The following PHACTR3 variants were observed in gnomAD, a reference collection of about 807,000 sequenced individuals.
The protein encoded by PHACTR3 is protein phosphatase 1, regulatory subunit 123.
A neutral mutation model predicts 66.8 loss-of-function variants in PHACTR3; 16 were observed. The observed-to-expected ratio is 0.24, with a 90% CI of 0.16 to 0.36. PHACTR3 has a LOEUF of 0.36. PHACTR3 is among the 10% of genes least tolerant of loss of function. The probability of loss-of-function intolerance (pLI) is 1.00; values close to 1 mark genes in which losing one functional copy is unlikely to be tolerated. For missense variants in PHACTR3, 647 were observed against 719.9 expected, an observed-to-expected ratio of 0.90 and a Z score of 1.16; for synonymous variants, 323 against 292.1, an observed-to-expected ratio of 1.11 and a Z score of -1.08.
chr20:59,591,336 C>T (rs151207322), intron 1 of PHACTR3, among the ~76,000 whole-genome samples: 124 of 152,302 alleles, frequency 8.1e-4, no homozygotes, highest in South Asian at 5.4e-3. Context: ...CAGTGGCTCC[C>T]GTCAGCATCC....
At chr20:59,773,810 T>G (rs979686771) in intron 6 of PHACTR3, among the ~76,000 whole-genome samples, 2 of 152,212 alleles carry the variant, frequency 1.3e-5, no homozygotes, top group African/African-American at 4.8e-5. Flanking sequence ...GGCTTCATAG[T>G]TGTCACTGGG....
intron 5 of PHACTR3, among the ~76,000 whole-genome samples, chr20:59,768,154 A>G (rs1470360426): frequency 6.6e-6 from 1 of 152,248 alleles, no homozygotes; most frequent in African/African-American, 2.4e-5. Context: ...AATCCTAGCA[A>G]GTAGAGATAA....
intron 8 of PHACTR3, among the ~76,000 whole-genome samples, chr20:59,808,033 T>C (rs1204067593): frequency 6.6e-6 from 1 of 151,870 alleles, no homozygotes; most frequent in Non-Finnish European, 1.5e-5. Flanking sequence ...CAGGACAGAG[T>C]GGAGCTGCTG....
At chr20:59,606,913 T>C (rs1207474931) in intron 1 of PHACTR3, among the ~76,000 whole-genome samples, 2 of 152,158 alleles carry the variant, frequency 1.3e-5, no homozygotes, top group Non-Finnish European at 2.9e-5. Flanking sequence ...CTAAAATATG[T>C]GCAATTCTGT....
Position 59,806,134 on chromosome 20 carries a change from C to T in PHACTR3, c.1268C>T (p.Pro423Leu). ...KQELEDRNIF[P>L]RRTDEERQEI... Reference sequence around the variant, plus strand: ...GAACTAGAAGACCGGAACATTTTCCCCAGAAGGACTGATGAAGAAAGACAG... The same window carrying T: ...GAACTAGAAGACCGGAACATTTTCCTCAGAAGGACTGATGAAGAAAGACAG... The change falls in exon 8 of 13, where the codon CCC (proline) becomes CTC (leucine). Residue 423 changes from proline to leucine, a missense_variant. Coordinates refer to ENST00000371015, the MANE Select transcript of PHACTR3 (RefSeq NM_080672.5). The T allele has an allele frequency of 6.2e-7, 1 of 1,614,118 alleles. No individual in the cohort carries two copies. Among genetic ancestry groups the T allele is most frequent in the East Asian group, 2.2e-5 (1 of 44,900 alleles).
At chr20:59,776,910 A>G (rs2040559094) in intron 7 of PHACTR3, among the ~76,000 whole-genome samples, 2 of 152,190 alleles carry the variant, frequency 1.3e-5, no homozygotes, top group Non-Finnish European at 2.9e-5. Flanking sequence ...CTGCTCAGCC[A>G]GGTGGCCTGG....
intron 1 of PHACTR3, among the ~76,000 whole-genome samples, chr20:59,620,544 G>T (rs1401406669): frequency 1.3e-5 from 2 of 152,212 alleles, no homozygotes; most frequent in Non-Finnish European, 2.9e-5. Context: ...TAAATGAGGG[G>T]TTGTCTGATG....
intron 8 of PHACTR3, among the ~76,000 whole-genome samples, chr20:59,827,912 C>T (rs6123952): frequency 0.01 from 1,570 of 152,202 alleles, 16 homozygotes; most frequent in East Asian, 0.029. Context: ...GCAGGCCAGC[C>T]GTTCTGTTGC....
At chr20:59,823,999 G>A (rs575541948) in intron 8 of PHACTR3, among the ~76,000 whole-genome samples, 73 of 152,344 alleles carry the variant, frequency 4.8e-4, no homozygotes, top group African/African-American at 1.7e-3. Flanking sequence ...GGGAGGCCAC[G>A]AAGTCAGCAC....
intron 1 of PHACTR3, among the ~76,000 whole-genome samples, chr20:59,615,756 A>C (rs1180312518): frequency 6.6e-6 from 1 of 152,190 alleles, no homozygotes; most frequent in Non-Finnish European, 1.5e-5. Context: ...CTTAGGGCCT[A>C]GGCTGGAAAC....
intron 8 of PHACTR3, among the ~76,000 whole-genome samples, chr20:59,833,910 C>T (rs921008130): frequency 6.6e-6 from 1 of 152,064 alleles, no homozygotes; most frequent in Non-Finnish European, 1.5e-5. Flanking sequence ...GCCAGAGGGG[C>T]TTATGTGCAG....
intron 8 of PHACTR3, among the ~76,000 whole-genome samples, chr20:59,822,761 T>A (rs1046147222): frequency 1.3e-5 from 2 of 152,220 alleles, no homozygotes; most frequent in African/African-American, 4.8e-5. Flanking sequence ...GGCAAGACCC[T>A]GCCTCCAGCT....
At chr20:59,644,415 A>G (rs1454745176) in intron 1 of PHACTR3, among the ~76,000 whole-genome samples, 2 of 152,246 alleles carry the variant, frequency 1.3e-5, no homozygotes, top group Non-Finnish European at 2.9e-5. Flanking sequence ...GTTCAGTTTC[A>G]ACACTATCTT....
At chr20:59,586,802 C>T (rs1238251074) in intron 1 of PHACTR3, among the ~76,000 whole-genome samples, 2 of 152,182 alleles carry the variant, frequency 1.3e-5, no homozygotes, top group Non-Finnish European at 2.9e-5. Context: ...GAGATGAGCT[C>T]CACTTGGTGG....
At chr20:59,645,011 C>G (rs2035233535) in intron 1 of PHACTR3, among the ~76,000 whole-genome samples, 1 of 152,064 alleles carries the variant, frequency 6.6e-6, no homozygotes, top group Non-Finnish European at 1.5e-5. Flanking sequence ...CCTTGTCCCC[C>G]TCCTTCGCTC....
intron 1 of PHACTR3, among the ~76,000 whole-genome samples, chr20:59,705,277 G>A (rs2037661483): frequency 6.6e-6 from 1 of 152,154 alleles, no homozygotes; most frequent in South Asian, 2.1e-4. Context: ...GAATTTTAAA[G>A]TCAATATAAT....
chr20:59,793,175 C>T (rs574326623), intron 7 of PHACTR3, among the ~76,000 whole-genome samples: 1 of 152,240 alleles, frequency 6.6e-6, no homozygotes, highest in African/African-American at 2.4e-5. Context: ...AGGTGTGAGC[C>T]CCTGCACCCA....
At chr20:59,785,920 G>C (rs1002062089) in intron 7 of PHACTR3, among the ~76,000 whole-genome samples, 7 of 150,820 alleles carry the variant, frequency 4.6e-5, no homozygotes, top group African/African-American at 1.7e-4. Context: ...CCTGCTTCTG[G>C]TTTTCCAACG....
At chr20:59,663,981 G>A (rs540506204) in intron 1 of PHACTR3, among the ~76,000 whole-genome samples, 65 of 152,236 alleles carry the variant, frequency 4.3e-4, no homozygotes, top group African/African-American at 1.4e-3. Context: ...ATATTGAAAC[G>A]TCCATGTTAC....
Sources: allele counts gnomAD v4.1 joint callset (sites outside exome capture counted in the v4.1 genomes callset), GRCh38; gene constraint gnomAD v4.1.1; transcripts MANE v1.5; gene names NCBI Gene and HGNC (gene_info 2026-07-23, HGNC 2026-07-21).